The following MALRD1 variants were observed in gnomAD, a reference collection of about 807,000 sequenced individuals.
The protein encoded by MALRD1 is MAM and LDL-receptor class A domain-containing protein 1.
MALRD1 carries 247 observed loss-of-function variants against 242.1 expected under a neutral mutation model. The ratio of observed to expected loss-of-function variants is 1.02; its 90% CI spans 0.92 to 1.13. The LOEUF (loss-of-function observed/expected upper bound fraction) is 1.13. Ranked by LOEUF, MALRD1 falls within the 50% of genes most tolerant of loss-of-function variation. MALRD1 has a pLI of 0.00. For missense variants in MALRD1, 2,989 were observed against 2,533.1 expected (o/e 1.18, Z -3.86); for synonymous variants, 995 against 866.6 (o/e 1.15, Z -2.60).
chr10:19,320,041 CTTTTTTTT>C lies in MALRD1; in HGVS notation c.3420-3893_3420-3886del, dbSNP rs34481531. 4.1e-5 allele frequency among the ~76,000 whole-genome samples: 3 copies of C among 73,086 alleles called. No homozygotes were observed. In the East Asian group the frequency reaches 1.3e-3, roughly 31 times the overall value. 47.9% of individuals were successfully genotyped at this position (73,086 alleles called of 152,430 possible). A position where few individuals can be genotyped will look rare whatever the true frequency, so the allele number is the denominator to read the frequency against. Reference sequence around the variant, plus strand: ...TGCTAACCTGAGTTTTATAAAACTGCTTTTTTTTTTTTTTTTTTTTTTCAAATTTTACT... The same window carrying C: ...TGCTAACCTGAGTTTTATAAAACTGCTTTTTTTTTTTTTTCAAATTTTACT... On this transcript the variant is annotated intron_variant, in intron 21 of 39. Coordinates refer to ENST00000454679, the MANE Select transcript of MALRD1 (RefSeq NM_001142308.3).
chr10:19,251,407 C>A (rs1306726781), intron 18 of MALRD1, among the ~76,000 whole-genome samples: 3 of 151,976 alleles, frequency 2.0e-5, no homozygotes, highest in Non-Finnish European at 2.9e-5. Context: ...TGCCAGCAGC[C>A]TATTCCAGCT....
chr10:19,161,647 C>T (rs1471958323), intron 12 of MALRD1, among the ~76,000 whole-genome samples: 2 of 147,706 alleles, frequency 1.4e-5, no homozygotes, highest in African/African-American at 2.5e-5. Flanking sequence ...GCTTTGCAGA[C>T]CTGTTTAATG....
chr10:19,536,823 A>G (rs1834702088), intron 32 of MALRD1, among the ~76,000 whole-genome samples: 2 of 152,222 alleles, frequency 1.3e-5, no homozygotes, highest in African/African-American at 2.4e-5. Flanking sequence ...ACAGATAACT[A>G]TGAGACCTTC....
chr10:19,346,331 G>A (rs1206714123), intron 24 of MALRD1, among the ~76,000 whole-genome samples: 3 of 152,096 alleles, frequency 2.0e-5, no homozygotes, highest in Non-Finnish European at 2.9e-5. Context: ...GGTTATCTGC[G>A]TTTCTTTGGC....
At chr10:19,546,417 C>A (rs572455772) in intron 32 of MALRD1, among the ~76,000 whole-genome samples, 18 of 152,298 alleles carry the variant, frequency 1.2e-4, no homozygotes, top group Admixed American at 5.2e-4. Context: ...GGTCTCAGTA[C>A]AAACTCTTGG....
chr10:19,495,658 C>A (rs1837681248), intron 30 of MALRD1, among the ~76,000 whole-genome samples: 1 of 152,080 alleles, frequency 6.6e-6, no homozygotes, highest in Non-Finnish European at 1.5e-5. Flanking sequence ...CTGTAAGCAA[C>A]CAGACAAACA....
chr10:19,494,470 G>A (rs1564389502), intron 30 of MALRD1, among the ~76,000 whole-genome samples: 1 of 152,142 alleles, frequency 6.6e-6, no homozygotes, highest in Non-Finnish European at 1.5e-5. Context: ...CAGAATATGG[G>A]TAGGAACAAA....
chr10:19,101,309 A>C (rs1213865235), intron 4 of MALRD1, among the ~76,000 whole-genome samples: 1 of 146,208 alleles, frequency 6.8e-6, no homozygotes, highest in Non-Finnish European at 1.5e-5. Flanking sequence ...TATCTATATT[A>C]TAAATAGATA....
At chr10:19,606,480 T>A (rs183469812) in intron 34 of MALRD1, among the ~76,000 whole-genome samples, 41 of 152,282 alleles carry the variant, frequency 2.7e-4, no homozygotes, top group Non-Finnish European at 5.0e-4. Flanking sequence ...ATATTTCTGC[T>A]GAACCCTGGT....
chr10:19,238,444 TACATTATATATAATATATA>T (rs1233723127), intron 18 of MALRD1, among the ~76,000 whole-genome samples: 4 of 56,462 alleles, frequency 7.1e-5, no homozygotes, highest in Non-Finnish European at 1.2e-4. Context: ...ATATATAATA[TACATTATATATAATATATA>T]ATATAATATA....
chr10:19,237,437 G>T (rs900961677), intron 18 of MALRD1, among the ~76,000 whole-genome samples: 2 of 144,806 alleles, frequency 1.4e-5, no homozygotes, highest in Non-Finnish European at 3.0e-5. Flanking sequence ...TATCCTACAG[G>T]GTCATCCATG....
chr10:19,691,577 G>T (rs894818495), intron 36 of MALRD1, among the ~76,000 whole-genome samples: 1 of 152,038 alleles, frequency 6.6e-6, no homozygotes, highest in African/African-American at 2.4e-5. Context: ...TGAACTTTCA[G>T]ATACTACCAG....
At position 19,123,593 on chromosome 10, in the gene MALRD1, T is replaced by C. The variant is rs948687967; in HGVS notation, c.796T>C (p.Leu266=). The change falls in exon 6 of 40, where the codon TTG becomes CTG. Residue 266 remains leucine, a splice_region_variant and synonymous_variant. Coordinates refer to ENST00000454679, the MANE Select transcript of MALRD1 (RefSeq NM_001142308.3). ...RFDATDEELR[L]CQACGFEFDM... Reference sequence around the variant, plus strand: ...TGATGCTACAGATGAAGAGTTGAGATGTAAGTGTTAAATTGAGATATTCAC... The same window carrying C: ...TGATGCTACAGATGAAGAGTTGAGACGTAAGTGTTAAATTGAGATATTCAC... The C allele has an allele frequency of 8.1e-7, 1 of 1,228,906 alleles. No homozygotes were observed. The highest frequency in any genetic ancestry group is 4.2e-5 in the Admixed American group (1 of 23,684). 76.1% of individuals were successfully genotyped at this position (1,228,906 alleles called of 1,614,324 possible).
At chr10:19,731,540 C>A (rs1413070976) in intron 39 of MALRD1, among the ~76,000 whole-genome samples, 3 of 150,758 alleles carry the variant, frequency 2.0e-5, no homozygotes, top group Non-Finnish European at 4.4e-5. Context: ...TTTAGGATCT[C>A]TCTTAGCAAA....
intron 18 of MALRD1, 27 bp from the exon 19 acceptor site, chr10:19,257,657 T>C (rs1266444189): frequency 1.3e-5 from 19 of 1,449,136 alleles, no homozygotes; most frequent in Non-Finnish European, 1.8e-5. Flanking sequence ...ACATTTCTTA[T>C]TTTTATTTTT....
intron 14 of MALRD1, among the ~76,000 whole-genome samples, chr10:19,180,907 T>C (rs559341523): frequency 6.6e-6 from 1 of 152,272 alleles, no homozygotes; most frequent in East Asian, 1.9e-4. Context: ...AGGCCCTGAA[T>C]AGACATTTCT....
intron 11 of MALRD1, among the ~76,000 whole-genome samples, chr10:19,148,787 A>AT (rs1564423554): frequency 0.076 from 6,375 of 84,186 alleles, 209 homozygotes; most frequent in African/African-American, 0.11. Flanking sequence ...AAAAAAAAAA[A>AT]AATATATATA....
At chr10:19,483,379 A>G (rs1837098341) in intron 29 of MALRD1, among the ~76,000 whole-genome samples, 1 of 152,178 alleles carries the variant, frequency 6.6e-6, no homozygotes, top group South Asian at 2.1e-4. Flanking sequence ...AATTTACAGA[A>G]TGACAGAAAA....
intron 14 of MALRD1, among the ~76,000 whole-genome samples, chr10:19,196,965 C>T (rs936044329): frequency 5.9e-5 from 9 of 152,104 alleles, no homozygotes; most frequent in Admixed American, 2.6e-4. Flanking sequence ...CTCTAAAGAA[C>T]GGCCTGAGGC....
Sources: allele counts gnomAD v4.1 joint callset (sites outside exome capture counted in the v4.1 genomes callset), GRCh38; gene constraint gnomAD v4.1.1; transcripts MANE v1.5; gene names NCBI Gene and HGNC (gene_info 2026-07-23, HGNC 2026-07-21).